Variants in MDGA2 observed in about 807,000 individuals in gnomAD.
MDGA2 encodes the protein MAM domain-containing glycosylphosphatidylinositol anchor protein 2.
MDGA2 carries 40 observed loss-of-function variants against 117.8 expected under a neutral mutation model. The ratio of observed to expected loss-of-function variants is 0.34; its 90% confidence interval spans 0.26 to 0.44. The LOEUF is 0.44. Ranked by LOEUF, MDGA2 falls within the 20% of genes least tolerant of loss-of-function variation. MDGA2 has a pLI of 1.00. For synonymous variants in MDGA2, 452 were observed against 439.0 expected (o/e 1.03, Z -0.37); for missense variants, 1,123 against 1,250.6 (o/e 0.90, Z 1.54).
intron 2 of MDGA2, among the ~76,000 whole-genome samples, chr14:47,278,414 A>G (rs1888375114): frequency 6.6e-6 from 1 of 152,130 alleles, no homozygotes; most frequent in African/African-American, 2.4e-5. Flanking sequence ...AGCTGGCTAC[A>G]GCTCTGGGAA....
At chr14:47,231,551 A>T (rs1444161568) in intron 2 of MDGA2, among the ~76,000 whole-genome samples, 1 of 152,072 alleles carries the variant, frequency 6.6e-6, no homozygotes, top group Non-Finnish European at 1.5e-5. Context: ...TAAAGTGAGC[A>T]CACATTATTA....
chr14:46,862,356 TTGAGG>T (rs1881544527), intron 14 of MDGA2, among the ~76,000 whole-genome samples: 1 of 150,712 alleles, frequency 6.6e-6, no homozygotes. Flanking sequence ...GGCCAAAACT[TTGAGG>T]TTATTCATGG....
In MDGA2 at chr14:46,866,477, C is replaced by CA. The variant is rs916870412; in HGVS notation, c.2752+6955_2752+6956insT. On this transcript the variant is annotated intron_variant, in intron 14 of 16. Coordinates refer to ENST00000399232, the MANE Select transcript of MDGA2 (RefSeq NM_001113498.3). ...TAGGCATTACCATTCAGGACATAGG[C>CA]TGGGCAAGGACTTCATGTCTAAAAC... 3.3e-5 allele frequency among the ~76,000 whole-genome samples: 5 copies of CA among 152,094 alleles called. No homozygotes were observed. The East Asian group carries it at 5.8e-4, about 18-fold the overall frequency.
At position 47,268,674 on chromosome 14, in the gene MDGA2, T is replaced by C. The variant is rs191892844; in HGVS notation, c.420+32737A>G. ...TGATCTCTTTGGTGCCAAAACCTTA[T>C]AATTATGTAACCTTTAGAAACAAAG... On this transcript the variant is annotated intron_variant, in intron 2 of 16. Transcript: ENST00000399232. 1.6e-4 allele frequency among the ~76,000 whole-genome samples: 24 copies of C among 152,286 alleles called. No homozygotes were observed. The East Asian group carries it at 2.3e-3, about 15-fold the overall frequency.
At chr14:46,918,886 C>G (rs1251310313) in intron 10 of MDGA2, among the ~76,000 whole-genome samples, 2 of 151,582 alleles carry the variant, frequency 1.3e-5, no homozygotes, top group South Asian at 2.1e-4. Flanking sequence ...CTCAGCCTCC[C>G]GAGTAGCTGG....
intron 1 of MDGA2, among the ~76,000 whole-genome samples, chr14:47,529,513 T>G (rs1311518529): frequency 6.6e-6 from 1 of 152,130 alleles, no homozygotes; most frequent in Non-Finnish European, 1.5e-5. Context: ...TTTTAGTTAT[T>G]TTATTATAAT....
chr14:47,441,098 C>T (rs370543559), intron 1 of MDGA2, among the ~76,000 whole-genome samples: 1 of 151,968 alleles, frequency 6.6e-6, no homozygotes, highest in East Asian at 1.9e-4. Context: ...TCTATGGGAG[C>T]CAAAAGGTGA....
intron 3 of MDGA2, among the ~76,000 whole-genome samples, chr14:47,181,546 C>T (rs192914047): frequency 2.0e-5 from 3 of 152,318 alleles, no homozygotes; most frequent in African/African-American, 7.2e-5. Context: ...TCATTTATAT[C>T]ACTATGCTTT....
intron 5 of MDGA2, among the ~76,000 whole-genome samples, chr14:47,128,756 G>A (rs1181434642): frequency 3.4e-5 from 5 of 148,828 alleles, no homozygotes; most frequent in Non-Finnish European, 5.9e-5. Context: ...GTGCAGTGGC[G>A]CTATCTCAGC....
rs574337554 is a variant in MDGA2 at position 47,214,087 on chromosome 14, G to T, written c.595+3934C>A. 1.9e-4 allele frequency among the ~76,000 whole-genome samples: 29 copies of T among 152,176 alleles called. No homozygotes were observed. The Middle Eastern group carries it at 0.01, about 54-fold the overall frequency. On this transcript the variant is annotated intron_variant, in intron 3 of 16. Transcript: ENST00000399232. ...ACTATCACGAGAACTGCATGGAAGAGACCACCTGCATGATTCAATTACCTC... is the reference window on the plus strand; with the variant it reads ...ACTATCACGAGAACTGCATGGAAGATACCACCTGCATGATTCAATTACCTC...
At chr14:47,568,904 G>A (rs944787580) in intron 1 of MDGA2, among the ~76,000 whole-genome samples, 2 of 150,118 alleles carry the variant, frequency 1.3e-5, no homozygotes, top group African/African-American at 4.9e-5. Flanking sequence ...ACTTTCTTTT[G>A]GTAGGGTAAT....
chr14:46,991,113 T>C (rs901212027), intron 8 of MDGA2, among the ~76,000 whole-genome samples: 2 of 152,108 alleles, frequency 1.3e-5, no homozygotes, highest in Non-Finnish European at 2.9e-5. Context: ...TGGCCAGACA[T>C]TTTTTATTAT....
At chr14:47,227,990 A>G (rs550159300) in intron 2 of MDGA2, among the ~76,000 whole-genome samples, 2 of 152,226 alleles carry the variant, frequency 1.3e-5, no homozygotes, top group Non-Finnish European at 2.9e-5. Context: ...TCCATCGCCA[A>G]CATAACACAT....
Position 47,153,107 on chromosome 14 carries a change from T to C in MDGA2, c.596-8833A>G, listed in dbSNP as rs889836728. Among the ~76,000 whole-genome samples, 74 of 152,328 alleles carry C rather than the reference T, an allele frequency of 4.9e-4. 1 individual carries two copies. Among genetic ancestry groups the C allele is most frequent in the Non-Finnish European group, 4.3e-4 (29 of 68,032 alleles). ...ATGGACCAAATCATTAGTAGCACCA[T>C]CTATGCTAAAGAAAATCCATTCCAT... On this transcript the variant is annotated intron_variant, in intron 3 of 16. Transcript: ENST00000399232.
intron 8 of MDGA2, among the ~76,000 whole-genome samples, chr14:46,964,589 C>G (rs147750265): frequency 1.2e-4 from 18 of 152,228 alleles, no homozygotes; most frequent in African/African-American, 4.3e-4. Flanking sequence ...ACAAAGGTAT[C>G]CGGGAGCCAG....
intron 3 of MDGA2, among the ~76,000 whole-genome samples, chr14:47,165,189 A>G (rs533195739): frequency 6.6e-6 from 1 of 152,278 alleles, no homozygotes; most frequent in South Asian, 2.1e-4. Context: ...AACATGGAAC[A>G]TATATACATA....
At chr14:47,042,845 T>A (rs965831464) in intron 7 of MDGA2, among the ~76,000 whole-genome samples, 25 of 152,200 alleles carry the variant, frequency 1.6e-4, no homozygotes, top group African/African-American at 5.1e-4. Context: ...ATGACTCTAA[T>A]CTGTATTTTA....
intron 1 of MDGA2, among the ~76,000 whole-genome samples, chr14:47,314,657 G>T (rs1043589418): frequency 5.3e-5 from 8 of 151,700 alleles, no homozygotes; most frequent in Admixed American, 4.6e-4. Context: ...CAACTTGGGT[G>T]ACAGCAAGAT....
intron 1 of MDGA2, among the ~76,000 whole-genome samples, chr14:47,437,407 T>C (rs1892920890): frequency 6.6e-6 from 1 of 152,156 alleles, no homozygotes; most frequent in African/African-American, 2.4e-5. Flanking sequence ...CTATTATTTG[T>C]ATTCCATTTC....
Sources: gnomAD v4.1 joint callset for allele counts (sites outside exome capture counted in the v4.1 genomes callset) on GRCh38, gnomAD v4.1.1 for gene constraint, MANE v1.5 for transcripts, NCBI Gene and HGNC (gene_info 2026-07-23, HGNC 2026-07-21) for gene names.